Variants in ZZZ3 observed in about 807,000 individuals in gnomAD.
ZZZ3 encodes zinc finger ZZ-type containing 3, also known as ZZ-type zinc finger-containing protein 3.
ZZZ3 carries 22 observed loss-of-function variants against 95.2 expected under a neutral mutation model. The ratio of observed to expected loss-of-function variants is 0.23; its 90% CI spans 0.17 to 0.33. The LOEUF is 0.33. Ranked by LOEUF, ZZZ3 falls within the 10% of genes least tolerant of loss-of-function variation. ZZZ3 has a pLI of 1.00. For missense variants in ZZZ3, 885 were observed against 1,066.5 expected, an observed-to-expected ratio of 0.83 and a Z score of 2.37; for synonymous variants, 335 against 358.9, an observed-to-expected ratio of 0.93 and a Z score of 0.75.
At chr1:77,611,320 G>A (rs533949902) in intron 5 of ZZZ3, among the ~76,000 whole-genome samples, 163 of 148,312 alleles carry the variant, frequency 1.1e-3, no homozygotes, top group African/African-American at 3.5e-3. Context: ...AGAACTCTAC[G>A]CTGAAAACTA....
chr1:77,593,824 A>G (rs1663955423), intron 5 of ZZZ3, among the ~76,000 whole-genome samples: 1 of 152,194 alleles, frequency 6.6e-6, no homozygotes, highest in Admixed American at 6.5e-5. Flanking sequence ...ACTTTTTAAG[A>G]GTCCTAGTTC....
In ZZZ3 at chr1:77,565,734, T is replaced by A; in HGVS notation, c.2618A>T (p.Tyr873Phe). The A allele has an allele frequency of 6.2e-7, 1 of 1,613,876 alleles. No individual in the cohort carries two copies. The highest frequency in any genetic ancestry group is 1.6e-4 in the Middle Eastern group (1 of 6,062). ...HKEDHQLEPI[Y>F]RSETFLDRDY... is the part of the protein sequence containing the mutation. ...TCTGTCTAAGAATGTCTCTGACCTA[T>A]AAATAGGTTCTAATTGGTGATCTTC... is the stretch of plus-strand genomic sequence containing the variant. The change falls in exon 15 of 15, where the codon TAT becomes TTT. Residue 873 changes from tyrosine to phenylalanine, a missense_variant. Transcript: ENST00000370801.
intron 5 of ZZZ3, among the ~76,000 whole-genome samples, chr1:77,629,650 A>C (rs1380970382): frequency 2.6e-5 from 4 of 152,122 alleles, no homozygotes; most frequent in African/African-American, 9.7e-5. Flanking sequence ...AACAAACAAA[A>C]AAAGTGCTAT....
chr1:77,617,402 G>A (rs998635290), intron 5 of ZZZ3, among the ~76,000 whole-genome samples: 2 of 152,104 alleles, frequency 1.3e-5, no homozygotes, highest in African/African-American at 2.4e-5. Context: ...GACCTATTGT[G>A]TCTGGTTTCT....
chr1:77,605,746 C>A (rs1361661715), intron 5 of ZZZ3, among the ~76,000 whole-genome samples: 1 of 152,052 alleles, frequency 6.6e-6, no homozygotes, highest in Non-Finnish European at 1.5e-5. Context: ...CAGAAAGGAA[C>A]CCACTGCCTT....
At chr1:77,620,583 C>A (rs1666762668) in intron 5 of ZZZ3, among the ~76,000 whole-genome samples, 2 of 152,000 alleles carry the variant, frequency 1.3e-5, no homozygotes, top group South Asian at 4.1e-4. Context: ...GTGTAGTAAA[C>A]AAGTAGTTGA....
At position 77,629,398 on chromosome 1, in the gene ZZZ3, G is replaced by A. The variant is rs143017990; in HGVS notation, c.1505+2452C>T. On this transcript the variant is annotated intron_variant, in intron 5 of 14. Transcript: ENST00000370801. The stretch of plus-strand genomic sequence containing the variant: ...TTTGGGAGGCCAAGGCGGGCAGATC[G>A]CTCGAACCCAGGAGTTCAAGATCAG... 6.8e-3 allele frequency among the ~76,000 whole-genome samples: 1,037 copies of A among 152,248 alleles called. 4 individuals are homozygous for A. The highest frequency in any genetic ancestry group is 0.011 in the Non-Finnish European group (734 of 68,018).
intron 1 of ZZZ3, among the ~76,000 whole-genome samples, chr1:77,655,751 T>C (rs2100988163): frequency 6.6e-6 from 1 of 152,306 alleles, no homozygotes; most frequent in East Asian, 1.9e-4. Flanking sequence ...CGTACTGACT[T>C]AGCTCAGCCT....
intron 5 of ZZZ3, among the ~76,000 whole-genome samples, chr1:77,600,667 C>A (rs1664641834): frequency 1.3e-5 from 2 of 152,002 alleles, no homozygotes; most frequent in Admixed American, 1.3e-4. Flanking sequence ...CGGGGTTGTT[C>A]CAAACAGAAG....
chr1:77,643,922 T>C (rs1480706264), intron 1 of ZZZ3, among the ~76,000 whole-genome samples: 2 of 152,212 alleles, frequency 1.3e-5, no homozygotes, highest in African/African-American at 4.8e-5. Flanking sequence ...GTCATATTTA[T>C]TACCTGATTC....
chr1:77,622,986 C>T (rs1667022041), intron 5 of ZZZ3, among the ~76,000 whole-genome samples: 1 of 152,168 alleles, frequency 6.6e-6, no homozygotes, highest in Admixed American at 6.6e-5. Context: ...AAAATTACAT[C>T]AGAGACATCC....
chr1:77,673,371 C>T (rs1671957485), intron 1 of ZZZ3, among the ~76,000 whole-genome samples: 1 of 152,010 alleles, frequency 6.6e-6, no homozygotes, highest in African/African-American at 2.4e-5. Flanking sequence ...CTGAGGAGGG[C>T]AGATCACCTG....
chr1:77,573,210 C>G (rs547096724), intron 12 of ZZZ3, among the ~76,000 whole-genome samples: 50 of 152,250 alleles, frequency 3.3e-4, no homozygotes, highest in African/African-American at 1.2e-3. Context: ...ACCTCTGCCT[C>G]CCGGGTTCAG....
At chr1:77,613,721 A>G (rs1397173881) in intron 5 of ZZZ3, among the ~76,000 whole-genome samples, 1 of 152,134 alleles carries the variant, frequency 6.6e-6, no homozygotes, top group African/African-American at 2.4e-5. Context: ...GACCTTCTCC[A>G]TTCCCTGCCA....
chr1:77,662,976 G>A (rs534097427), intron 1 of ZZZ3, among the ~76,000 whole-genome samples: 12 of 152,228 alleles, frequency 7.9e-5, no homozygotes, highest in Admixed American at 1.3e-4. Context: ...ATGGTAGCAC[G>A]CACCTGTAGT....
At chr1:77,590,594 G>A (rs1030133107) in intron 5 of ZZZ3, among the ~76,000 whole-genome samples, 1 of 152,228 alleles carries the variant, frequency 6.6e-6, no homozygotes, top group African/African-American at 2.4e-5. Flanking sequence ...TAGATTAAAG[G>A]ACACAAGGAC....
chr1:77,672,691 T>C lies in ZZZ3; in HGVS notation c.-403+9894A>G, dbSNP rs192779280. On this transcript the variant is annotated intron_variant, in intron 1 of 14. Coordinates refer to ENST00000370801, the MANE Select transcript of ZZZ3 (RefSeq NM_015534.6). ...TAGCTACAAATAAATCAAAATATCC[T>C]TGGTGAAATTCTCTTAACTACAGAA... 2.0e-4 allele frequency among the ~76,000 whole-genome samples: 30 copies of C among 152,336 alleles called. No individual in the cohort carries two copies. In the East Asian group the frequency reaches 5.8e-3, roughly 29 times the overall value.
At chr1:77,676,039 T>A (rs1672235824) in intron 1 of ZZZ3, among the ~76,000 whole-genome samples, 1 of 152,240 alleles carries the variant, frequency 6.6e-6, no homozygotes, top group Non-Finnish European at 1.5e-5. Context: ...GTATATGATA[T>A]CAAGTTGTAT....
chr1:77,604,950 A>C (rs2100695819), intron 5 of ZZZ3, among the ~76,000 whole-genome samples: 1 of 152,274 alleles, frequency 6.6e-6, no homozygotes, highest in South Asian at 2.1e-4. Flanking sequence ...ATTTTGACTG[A>C]AAAAAATCCT....
Sources: allele counts gnomAD v4.1 joint callset (sites outside exome capture counted in the v4.1 genomes callset), GRCh38; gene constraint gnomAD v4.1.1; transcripts MANE v1.5; gene names NCBI Gene and HGNC (gene_info 2026-07-23, HGNC 2026-07-21).